The following JPH3 variants were observed in gnomAD, a reference collection of about 807,000 sequenced individuals.
The protein encoded by JPH3 is junctophilin 3.
In JPH3, 11 loss-of-function variants were observed where a neutral mutation model predicts 59.6. The observed-to-expected ratio is 0.18, with a 90% CI of 0.12 to 0.31. The LOEUF (loss-of-function observed/expected upper bound fraction) is 0.31, where lower values mean the gene tolerates loss of function less well. Among genes scored for constraint, JPH3 ranks in the 10% least tolerant of loss-of-function variants. The pLI is 1.00. For synonymous variants in JPH3, 673 were observed against 483.6 expected (o/e 1.39, Z -5.14); for missense variants, 1,202 against 1,105.7 (o/e 1.09, Z -1.24).
In JPH3 at chr16:87,652,678, G is replaced by T. The variant is rs368935446; in HGVS notation, c.1160+7643G>T. On this transcript the variant is annotated intron_variant, in intron 2 of 4. Transcript: ENST00000284262. Reference sequence around the variant, plus strand: ...CTGTCCTGGAGGCCAGGCAGGTGCGGAGCTTACGGAGGTGGCCACCTAGAT... The same window carrying T: ...CTGTCCTGGAGGCCAGGCAGGTGCGTAGCTTACGGAGGTGGCCACCTAGAT... Among the ~76,000 whole-genome samples, 20 of 152,350 alleles carry T rather than the reference G, an allele frequency of 1.3e-4. No homozygotes were observed. In the East Asian group the frequency reaches 3.9e-3, roughly 29 times the overall value.
Position 87,636,840 on chromosome 16 carries a change from A to G in JPH3, c.383-7418A>G, listed in dbSNP as rs932330197. On this transcript the variant is annotated intron_variant, in intron 1 of 4. Transcript: ENST00000284262. ...TCGCTTAAACCTAGAGGTGGGTGCG[A>G]TTGTCACCCTATCTTACAGGTGTGG... Among the ~76,000 whole-genome samples the G allele has an allele frequency of 2.0e-5, 3 of 152,148 alleles. No homozygotes were observed. The South Asian group carries it at 6.2e-4, about 32-fold the overall frequency.
chr16:87,696,477 C>T (rs540747928), intron 4 of JPH3, 103 bp from the exon 5 acceptor site: 26 of 936,892 alleles, frequency 2.8e-5, no homozygotes, highest in Admixed American at 8.9e-5. Flanking sequence ...CTTCCACCCC[C>T]GAGGGTCTGC....
upstream of JPH3, among the ~76,000 whole-genome samples, chr16:87,602,507 C>G (rs1185785690): frequency 7.3e-6 from 1 of 136,678 alleles, no homozygotes; most frequent in Non-Finnish European, 1.6e-5. Context: ...CCGCGCGGCC[C>G]GAGCGCGCGA....
At chr16:87,679,920 C>T (rs1469331224) in intron 2 of JPH3, among the ~76,000 whole-genome samples, 7 of 152,248 alleles carry the variant, frequency 4.6e-5, no homozygotes, top group African/African-American at 1.4e-4. Flanking sequence ...AGCACAGCCC[C>T]CGCCCTCTGC....
In JPH3 at chr16:87,602,895, C is replaced by G. The variant is rs1188011621; in HGVS notation, c.-252C>G. Reference sequence around the variant, plus strand: ...CCCTCCCCCTCCCCTCCGGTCCTGTCTCCAGCGGGAGCGCGAGACGCTGGT... The same window carrying G: ...CCCTCCCCCTCCCCTCCGGTCCTGTGTCCAGCGGGAGCGCGAGACGCTGGT... On this transcript the variant is annotated 5_prime_UTR_variant, in exon 1 of 5. Coordinates refer to ENST00000284262, the MANE Select transcript of JPH3 (RefSeq NM_020655.4). 2 of 257,532 alleles carry G rather than the reference C, an allele frequency of 7.8e-6. No individual in the cohort carries two copies. The highest frequency in any genetic ancestry group is 6.4e-5 in the South Asian group (2 of 31,302). The allele number at this position is 257,532 out of a possible 1,614,324, so 16.0% of individuals were successfully genotyped here.
chr16:87,691,970 C>T (rs933397017), intron 4 of JPH3, among the ~76,000 whole-genome samples: 11 of 152,242 alleles, frequency 7.2e-5, no homozygotes, highest in Non-Finnish European at 1.5e-4. Context: ...AAATGAACCT[C>T]CCTGGGGGTC....
At chr16:87,648,496 G>A (rs1376014045) in intron 2 of JPH3, among the ~76,000 whole-genome samples, 1 of 152,172 alleles carries the variant, frequency 6.6e-6, no homozygotes, top group East Asian at 1.9e-4. Context: ...GTCAGGCCGC[G>A]TGAAGTGAGA....
chr16:87,634,827 G>C (rs2150837783), intron 1 of JPH3, among the ~76,000 whole-genome samples: 1 of 152,368 alleles, frequency 6.6e-6, no homozygotes, highest in African/African-American at 2.4e-5. Context: ...CATGGGACTG[G>C]CTGAGAGACG....
intron 2 of JPH3, among the ~76,000 whole-genome samples, chr16:87,647,334 C>T (rs1186012674): frequency 6.6e-6 from 1 of 151,898 alleles, no homozygotes; most frequent in Non-Finnish European, 1.5e-5. Context: ...TTGGCATGGC[C>T]AGCATCCCTG....
intron 3 of JPH3, among the ~76,000 whole-genome samples, chr16:87,689,222 G>A (rs548159815): frequency 6.6e-6 from 1 of 152,324 alleles, no homozygotes; most frequent in East Asian, 1.9e-4. Context: ...TAGGGGTGTT[G>A]GCGGCCTTGC....
chr16:87,678,550 CAA>C (rs1491428585), intron 2 of JPH3, among the ~76,000 whole-genome samples: 5 of 151,822 alleles, frequency 3.3e-5, no homozygotes, highest in Admixed American at 2.0e-4. Flanking sequence ...CACACACACA[CAA>C]TATATATATA....
chr16:87,632,535 G>A (rs1314255623), intron 1 of JPH3, among the ~76,000 whole-genome samples: 1 of 152,094 alleles, frequency 6.6e-6, no homozygotes, highest in Non-Finnish European at 1.5e-5. Flanking sequence ...AATCTCCTGG[G>A]CTCCAGCCCC....
At chr16:87,666,396 T>TG (rs879538150) in intron 2 of JPH3, among the ~76,000 whole-genome samples, 1 of 150,530 alleles carries the variant, frequency 6.6e-6, no homozygotes, top group Non-Finnish European at 1.5e-5. Flanking sequence ...GCCTATTTTT[T>TG]TTTTTTTCCC....
At chr16:87,649,245 T>A (rs1371185713) in intron 2 of JPH3, among the ~76,000 whole-genome samples, 1 of 152,160 alleles carries the variant, frequency 6.6e-6, no homozygotes, top group Non-Finnish European at 1.5e-5. Context: ...CTCCCACTAG[T>A]GAAAGTCTGA....
Position 87,604,287 on chromosome 16 carries a change from CCTGCTGCTGCTG to C in JPH3, c.382+790_382+801del, listed in dbSNP as rs71156237. Reference sequence around the variant, plus strand: ...GCCGGGGCCGGAAGCCAGGGAGCTGCCTGCTGCTGCTGCTGCTGCTGCTGCTGCTGCTGCTGC... The same window carrying C: ...GCCGGGGCCGGAAGCCAGGGAGCTGCCTGCTGCTGCTGCTGCTGCTGCTGC... On this transcript the variant is annotated intron_variant, in intron 1 of 4. Transcript: ENST00000284262. 879 of 1,432,572 alleles carry C rather than the reference CCTGCTGCTGCTG, an allele frequency of 6.1e-4. 2 individuals are homozygous for C. In the Middle Eastern group the frequency reaches 8.2e-3, roughly 13 times the overall value. 88.7% of individuals were successfully genotyped at this position (1,432,572 alleles called of 1,614,324 possible).
At chr16:87,638,603 G>A (rs149620937) in intron 1 of JPH3, among the ~76,000 whole-genome samples, 13 of 152,254 alleles carry the variant, frequency 8.5e-5, no homozygotes, top group African/African-American at 2.9e-4. Flanking sequence ...GAGGTGGGTC[G>A]GCTTGGTTCA....
chr16:87,694,164 A>AG (rs1281264900), intron 4 of JPH3: 1 of 152,416 alleles, frequency 6.6e-6, no homozygotes, highest in East Asian at 1.9e-4. Context: ...CAGGAGGAGG[A>AG]GGGGCAGCAG....
chr16:87,660,669 GTC>G (rs2032671123), intron 2 of JPH3, among the ~76,000 whole-genome samples: 1 of 152,316 alleles, frequency 6.6e-6, no homozygotes, highest in Non-Finnish European at 1.5e-5. Flanking sequence ...GGACAGGTGA[GTC>G]TCTGCCTCCC....
chr16:87,614,819 A>C (rs531352005), intron 1 of JPH3, among the ~76,000 whole-genome samples: 11 of 146,906 alleles, frequency 7.5e-5, no homozygotes, highest in African/African-American at 2.8e-4. Context: ...TGGTCCCTGC[A>C]CACGTGAGGA....
Sources: gnomAD v4.1 joint callset for allele counts (sites outside exome capture counted in the v4.1 genomes callset) on GRCh38, gnomAD v4.1.1 for gene constraint, MANE v1.5 for transcripts, NCBI Gene and HGNC (gene_info 2026-07-23, HGNC 2026-07-21) for gene names.